CADPS2: variants seen among roughly 807,000 people sequenced by gnomAD.
The protein encoded by CADPS2 is calcium dependent secretion activator 2.
CADPS2 carries 93 observed loss-of-function variants against 172.5 expected under a neutral mutation model. The ratio of observed to expected loss-of-function variants is 0.54; its 90% CI spans 0.46 to 0.64. The LOEUF (loss-of-function observed/expected upper bound fraction) is 0.64, where lower values mean the gene tolerates loss of function less well. CADPS2 is among the 30% of genes least tolerant of loss of function. The pLI, the probability that CADPS2 is intolerant of heterozygous loss-of-function variation, is 0.00. For synonymous variants in CADPS2, 546 were observed against 555.2 expected (o/e 0.98, Z 0.23); for missense variants, 1,420 against 1,565.9 (o/e 0.91, Z 1.57).
intron 25 of CADPS2, among the ~76,000 whole-genome samples, chr7:122,365,348 G>A (rs1027777150): frequency 2.0e-5 from 3 of 152,204 alleles, no homozygotes; most frequent in Non-Finnish European, 2.9e-5. Context: ...GGATTAACCA[G>A]CTGAGGTGTA....
At chr7:122,857,541 C>T (rs1421049011) in intron 1 of CADPS2, among the ~76,000 whole-genome samples, 1 of 152,120 alleles carries the variant, frequency 6.6e-6, no homozygotes, top group African/African-American at 2.4e-5. Flanking sequence ...GATCAATAAC[C>T]ACCTGGGCAT....
At chr7:122,624,264 CTG>C (rs1463629586) in intron 4 of CADPS2, among the ~76,000 whole-genome samples, 2 of 152,184 alleles carry the variant, frequency 1.3e-5, no homozygotes, top group Non-Finnish European at 2.9e-5. Context: ...AGTTGTCTAA[CTG>C]TGAGTCACTC....
At chr7:122,378,710 T>G (rs535916438) in intron 25 of CADPS2, 1 of 152,150 alleles carries the variant, frequency 6.6e-6, no homozygotes, top group Non-Finnish European at 1.5e-5. Context: ...CCATTCTCTC[T>G]GTTCATCCTC....
At position 122,369,176 on chromosome 7, in the gene CADPS2, G is replaced by A. The variant is rs1208584176; in HGVS notation, c.3388-8163C>T. Among the ~76,000 whole-genome samples, 3 of 116,758 alleles carry A rather than the reference G, an allele frequency of 2.6e-5. No individual in the cohort carries two copies. In the East Asian group the frequency reaches 7.1e-4, roughly 28 times the overall value. 76.6% of individuals were successfully genotyped at this position (116,758 alleles called of 152,430 possible). ...TTTTTGAGTCTCGCTCTGTCGCCCA[G>A]GCTGGAGTGCAGTGGCGCAATCTCG... On this transcript the variant is annotated intron_variant, in intron 25 of 29. Transcript: ENST00000449022.
At chr7:122,662,196 C>T (rs1357896490) in intron 3 of CADPS2, among the ~76,000 whole-genome samples, 1 of 151,970 alleles carries the variant, frequency 6.6e-6, no homozygotes, top group Non-Finnish European at 1.5e-5. Context: ...TAAGGTAACA[C>T]AAAAATTTTT....
chr7:122,676,820 T>C lies in CADPS2; in HGVS notation c.454-13251A>G, dbSNP rs1445631927. On this transcript the variant is annotated intron_variant, in intron 2 of 29. Coordinates refer to ENST00000449022, the MANE Select transcript of CADPS2 (RefSeq NM_017954.11). ...ATGGGACAAGATTCCGAACTCACTG[T>C]AAGTGCTTGGTGACAGTATTTTTTT... 1.3e-5 allele frequency: 9 copies of C among 685,676 alleles called. No individual in the cohort carries two copies. In the African/African-American group the frequency reaches 1.5e-4, roughly 11 times the overall value. 42.5% of individuals were successfully genotyped at this position (685,676 alleles called of 1,614,324 possible).
intron 1 of CADPS2, among the ~76,000 whole-genome samples, chr7:122,873,843 T>C (rs1033496315): frequency 6.2e-4 from 94 of 152,230 alleles, no homozygotes; most frequent in African/African-American, 2.1e-3. Flanking sequence ...TTGTTTCCTT[T>C]TTAATTATCG....
At chr7:122,369,130 C>G (rs2041388240) in intron 25 of CADPS2, among the ~76,000 whole-genome samples, 1 of 31,272 alleles carries the variant, frequency 3.2e-5, no homozygotes, top group Non-Finnish European at 5.5e-5. Context: ...TTTTGTTTCC[C>G]CCCCCCCCCC....
At chr7:122,823,420 C>A (rs1803967122) in intron 1 of CADPS2, among the ~76,000 whole-genome samples, 1 of 152,062 alleles carries the variant, frequency 6.6e-6, no homozygotes, top group Non-Finnish European at 1.5e-5. Flanking sequence ...TCCCCTCCCC[C>A]TTGTTTACTT....
At chr7:122,798,319 C>T (rs1435688657) in intron 1 of CADPS2, among the ~76,000 whole-genome samples, 2 of 152,144 alleles carry the variant, frequency 1.3e-5, no homozygotes, top group Non-Finnish European at 2.9e-5. Flanking sequence ...AGGTAAAATG[C>T]CACTCTCCCT....
chr7:122,526,880 A>G (rs1028175631), intron 8 of CADPS2, among the ~76,000 whole-genome samples: 3 of 152,176 alleles, frequency 2.0e-5, no homozygotes, highest in South Asian at 2.1e-4. Flanking sequence ...GGGCCATATC[A>G]GCTGTGACTC....
intron 7 of CADPS2, among the ~76,000 whole-genome samples, chr7:122,577,579 C>T (rs562249561): frequency 6.6e-6 from 1 of 152,272 alleles, no homozygotes; most frequent in East Asian, 1.9e-4. Context: ...ATCTTGGTTG[C>T]TTCCAAGTTT....
Position 122,531,817 on chromosome 7 carries a change from G to T in CADPS2, c.1476-18502C>A, listed in dbSNP as rs578212045. 9.0e-4 allele frequency among the ~76,000 whole-genome samples: 137 copies of T among 152,176 alleles called. 1 individual carries two copies. Among genetic ancestry groups the T allele is most frequent in the South Asian group, 7.0e-3 (34 of 4,824 alleles). On this transcript the variant is annotated intron_variant, in intron 8 of 29. Coordinates refer to ENST00000449022, the MANE Select transcript of CADPS2 (RefSeq NM_017954.11). ...GGAGGCTGAGGTAGGCAGATCACAA[G>T]GTCAGGAGTTCAAGACCAGCCTGGC...
chr7:122,397,824 C>T (rs1477759390), intron 20 of CADPS2, among the ~76,000 whole-genome samples: 1 of 152,146 alleles, frequency 6.6e-6, no homozygotes, highest in Non-Finnish European at 1.5e-5. Context: ...AATGCGGCCA[C>T]ATCCAAGAAC....
chr7:122,375,423 C>G (rs1467308664), intron 25 of CADPS2, among the ~76,000 whole-genome samples: 1 of 152,004 alleles, frequency 6.6e-6, no homozygotes, highest in African/African-American at 2.4e-5. Context: ...AAACAGAGAG[C>G]TCAGAAATAA....
At chr7:122,471,012 G>A (rs1268191922) in intron 14 of CADPS2, among the ~76,000 whole-genome samples, 1 of 152,152 alleles carries the variant, frequency 6.6e-6, no homozygotes, top group Non-Finnish European at 1.5e-5. Flanking sequence ...GTTACACACA[G>A]ACCTATCAAC....
chr7:122,551,173 C>T (rs1411200738), intron 8 of CADPS2, among the ~76,000 whole-genome samples: 3 of 151,948 alleles, frequency 2.0e-5, no homozygotes, highest in Non-Finnish European at 4.4e-5. Flanking sequence ...AACTAAACAC[C>T]ATTTATTTCA....
chr7:122,795,166 G>T (rs1417200497), intron 1 of CADPS2, among the ~76,000 whole-genome samples: 2 of 151,254 alleles, frequency 1.3e-5, no homozygotes, highest in Non-Finnish European at 2.9e-5. Context: ...AAATTCAAAA[G>T]ATCAACAAAT....
chr7:122,688,658 C>T (rs541869426), intron 2 of CADPS2, among the ~76,000 whole-genome samples: 1 of 152,296 alleles, frequency 6.6e-6, no homozygotes, highest in East Asian at 1.9e-4. Context: ...TCTCTCTGGG[C>T]ACGAGAGTCC....
Sources: gnomAD v4.1 joint callset for allele counts (sites outside exome capture counted in the v4.1 genomes callset) on GRCh38, gnomAD v4.1.1 for gene constraint, MANE v1.5 for transcripts, NCBI Gene and HGNC (gene_info 2026-07-23, HGNC 2026-07-21) for gene names.